The following MYH11 variants were observed in gnomAD, a reference collection of about 807,000 sequenced individuals.
MYH11 encodes myosin-11.
Under a neutral mutation model 246.6 loss-of-function variants are expected in MYH11, and 80 were observed. The observed-to-expected ratio is 0.32, with a 90% confidence interval of 0.27 to 0.39. The LOEUF (loss-of-function observed/expected upper bound fraction) is 0.39, where lower values mean the gene tolerates loss of function less well. Ranked by LOEUF, MYH11 falls within the 10% of genes least tolerant of loss-of-function variation. The pLI, the probability that MYH11 is intolerant of heterozygous loss-of-function variation, is 1.00. For missense variants in MYH11, 2,158 were observed against 2,546.8 expected (o/e 0.85, Z 3.29); for synonymous variants, 1,071 against 1,015.5 (o/e 1.05, Z -1.04).
intron 1 of MYH11, among the ~76,000 whole-genome samples, chr16:15,842,511 T>C (rs1480412497): frequency 1.3e-5 from 2 of 151,814 alleles, no homozygotes; most frequent in Non-Finnish European, 2.9e-5. Flanking sequence ...CCTGTAATCC[T>C]AGCACTTTGT....
chr16:15,735,562 C>T lies in MYH11; in HGVS notation c.3310G>A (p.Ala1104Thr), dbSNP rs34263860. Residue 1104 changes from alanine (A) to threonine (T), a missense_variant, in exon 26 of 41, where the codon GCT becomes ACT. Coordinates refer to ENST00000300036, the MANE Select transcript of MYH11 (RefSeq NM_002474.3). ...AALARLDDEI[A>T]QKNNALKKIR... ...TTCTTCAGGGCATTGTTCTTCTGAG[C>T]GATTTCATCGTCAAGCCTTCCAGGG... is the stretch of plus-strand genomic sequence containing the variant. 2.1e-3 allele frequency: 3,469 copies of T among 1,614,140 alleles called. 66 individuals carry two copies. In the African/African-American group the frequency reaches 0.041, roughly 19 times the overall value.
intron 4 of MYH11, among the ~76,000 whole-genome samples, chr16:15,797,508 A>G (rs2042769445): frequency 6.7e-6 from 1 of 149,994 alleles, no homozygotes; most frequent in African/African-American, 2.4e-5. Context: ...ACCTCTGTTG[A>G]TTATAGCTTT....
chr16:15,726,867 T>A lies in MYH11; in HGVS notation c.3839A>T (p.Asp1280Val). The change falls in exon 28 of 41, where the codon GAC becomes GTC. Residue 1280 changes from aspartate to valine, a missense_variant. Physicochemically the swap from Asp to Val is radical, Grantham distance 152 (BLOSUM62 -3). This residue lies in a region of MYH11 where 1,013 missense variants were observed against 993.5 expected (regional missense o/e 1.02). Transcript: ENST00000300036. ...CCTCACCTGCAGCTTGTGGACTTTG[T>A]CATTGAGCTCCGCCCGGGCCCGCTC... is the stretch of plus-strand genomic sequence containing the variant. ...DGERARAELN[D>V]KVHKLQNEVE... 6.2e-7 allele frequency: 1 copy of A among 1,612,142 alleles called. No homozygotes were observed. Among genetic ancestry groups the A allele is most frequent in the Non-Finnish European group, 8.5e-7 (1 of 1,179,994 alleles).
intron 20 of MYH11, 71 bp downstream of exon 20, chr16:15,745,058 A>G (rs374052568): frequency 4.1e-6 from 5 of 1,209,088 alleles, no homozygotes; most frequent in Non-Finnish European, 4.9e-6. Context: ...TCCTGTCCCA[A>G]ATGTGAAGGC....
intron 1 of MYH11, among the ~76,000 whole-genome samples, chr16:15,839,395 G>A (rs1267758182): frequency 6.6e-6 from 1 of 152,036 alleles, no homozygotes; most frequent in Middle Eastern, 3.4e-3. Context: ...TGGTTATTGA[G>A]ATAGAAGGTA....
intron 2 of MYH11, among the ~76,000 whole-genome samples, chr16:15,830,327 C>T (rs1005494285): frequency 5.9e-5 from 9 of 152,184 alleles, no homozygotes; most frequent in Non-Finnish European, 8.8e-5. Context: ...CCACCAAGCA[C>T]GTGCTTTTGC....
At chr16:15,760,203 T>C (rs2041836680) in intron 11 of MYH11, among the ~76,000 whole-genome samples, 1 of 151,734 alleles carries the variant, frequency 6.6e-6, no homozygotes, top group Non-Finnish European at 1.5e-5. Flanking sequence ...CATGGACAGA[T>C]GAATGAATGA....
At chr16:15,779,198 C>A in intron 6 of MYH11, 1 of 387,380 alleles carries the variant, frequency 2.6e-6, no homozygotes, top group Non-Finnish European at 4.9e-6. Flanking sequence ...GGTGCAATCA[C>A]AGCTCACTGT....
chr16:15,835,447 T>C (rs1458170177), intron 2 of MYH11, among the ~76,000 whole-genome samples: 1 of 152,202 alleles, frequency 6.6e-6, no homozygotes, highest in East Asian at 1.9e-4. Flanking sequence ...CTCCAAGTGT[T>C]CCATAGTGAA....
chr16:15,819,440 A>G (rs944448613), intron 3 of MYH11, among the ~76,000 whole-genome samples: 1 of 152,110 alleles, frequency 6.6e-6, no homozygotes, highest in African/African-American at 2.4e-5. Flanking sequence ...TATCACTCCA[A>G]TTACTGCCTG....
chr16:15,811,305 C>T (rs2043132481), intron 3 of MYH11, among the ~76,000 whole-genome samples: 1 of 152,152 alleles, frequency 6.6e-6, no homozygotes, highest in Non-Finnish European at 1.5e-5. Context: ...TATGCTAGTC[C>T]CTTAGCCTTC....
chr16:15,745,071 C>G, intron 20 of MYH11, 58 bp downstream of exon 20: 1 of 1,315,556 alleles, frequency 7.6e-7, no homozygotes, highest in African/African-American at 1.4e-5. Flanking sequence ...GTGAAGGCTC[C>G]AGAGTGAAGA....
chr16:15,839,670 G>A lies in MYH11; in HGVS notation c.-17-1401C>T, dbSNP rs140383730. On this transcript the variant is annotated intron_variant, in intron 1 of 40. Transcript: ENST00000300036. ...GATCGCGCCACTGCACTCCAGCCTC[G>A]GCGACAGAGCGAGACTCTGTCTCGA... Among the ~76,000 whole-genome samples the A allele has an allele frequency of 3.1e-4, 47 of 150,876 alleles. No individual in the cohort carries two copies. The East Asian group carries it at 7.7e-3, about 25-fold the overall frequency.
rs542968690 is a variant in MYH11, at chr16:15,845,720, G to A, written c.-17-7451C>T. 3.3e-5 allele frequency among the ~76,000 whole-genome samples: 5 copies of A among 152,066 alleles called. No individual in the cohort carries two copies. The East Asian group carries it at 7.7e-4, about 23-fold the overall frequency. On this transcript the variant is annotated intron_variant, in intron 1 of 40. Transcript: ENST00000300036. ...TGTGTGTGTGTGTGAGAGAGAGAGA[G>A]AGAAAAAGAAGGAGAGAGAGAGAGA...
At chr16:15,847,039 C>T (rs1306033357) in intron 1 of MYH11, among the ~76,000 whole-genome samples, 4 of 152,106 alleles carry the variant, frequency 2.6e-5, no homozygotes. Flanking sequence ...AAGTACACTT[C>T]ATTTTCCTTC....
intron 37 of MYH11, chr16:15,717,969 G>GACATC (rs2040254319): frequency 2.5e-6 from 1 of 397,694 alleles, no homozygotes; most frequent in Admixed American, 3.7e-5. Flanking sequence ...AGTGCTCAGT[G>GACATC]ACATCACCAA....
intron 31 of MYH11, among the ~76,000 whole-genome samples, chr16:15,723,242 T>C (rs930249141): frequency 9.2e-5 from 14 of 152,230 alleles, no homozygotes; most frequent in African/African-American, 3.4e-4. Context: ...AAAAATAAAC[T>C]CTAATTAATA....
intron 23 of MYH11, 68 bp from the exon 24 acceptor site, chr16:15,738,756 T>C: frequency 1.3e-6 from 2 of 1,559,770 alleles, no homozygotes; most frequent in Middle Eastern, 1.7e-4. Context: ...GTTTCACTTT[T>C]AGTGATTTCC....
intron 3 of MYH11, among the ~76,000 whole-genome samples, chr16:15,812,406 T>C (rs1281274512): frequency 6.6e-6 from 1 of 151,410 alleles, no homozygotes; most frequent in African/African-American, 2.4e-5. Flanking sequence ...ACCACGAAGA[T>C]AAACATCATG....
Sources: allele counts gnomAD v4.1 joint callset (sites outside exome capture counted in the v4.1 genomes callset), GRCh38; gene constraint gnomAD v4.1.1; regional missense constraint gnomAD v4.1.1; transcripts MANE v1.5; gene names NCBI Gene and HGNC (gene_info 2026-07-23, HGNC 2026-07-21).